The following ZMYM2 variants were observed in gnomAD, a reference collection of about 807,000 sequenced individuals.
ZMYM2 encodes the protein zinc finger MYM-type protein 2.
In ZMYM2, 56 loss-of-function variants were observed where a neutral mutation model predicts 162.8. The ratio of observed to expected loss-of-function variants is 0.34; its 90% CI spans 0.28 to 0.43. ZMYM2 has a LOEUF of 0.43. Among genes scored for constraint, ZMYM2 ranks in the 20% least tolerant of loss-of-function variants. ZMYM2 has a pLI of 1.00. For missense variants in ZMYM2, 1,275 were observed against 1,621.8 expected (o/e 0.79, Z 3.67); for synonymous variants, 510 against 541.6 (o/e 0.94, Z 0.81).
chr13:20,035,672 C>T (rs895083153), intron 11 of ZMYM2, among the ~76,000 whole-genome samples: 2 of 152,046 alleles, frequency 1.3e-5, no homozygotes, highest in Non-Finnish European at 2.9e-5. Flanking sequence ...AGATAATTTT[C>T]AGTTGGAGGG....
In ZMYM2 at chr13:20,083,049, CTATTTT is replaced by C. The variant is rs1461642347; in HGVS notation, c.3820+32_3820+37del. On this transcript the variant is annotated intron_variant, in intron 23 of 24. Coordinates refer to ENST00000610343, the MANE Select transcript of ZMYM2 (RefSeq NM_197968.4). ...ATAATGAAGGTAGTGTAACAGATTTCTATTTTTATTTTTATTTTTAAATTTTTTTTG... is the reference window on the plus strand; with the variant it reads ...ATAATGAAGGTAGTGTAACAGATTTCTATTTTTATTTTTAAATTTTTTTTG... 6.5e-6 allele frequency: 10 copies of C among 1,536,782 alleles called. No homozygotes were observed. Among genetic ancestry groups the C allele is most frequent in the Middle Eastern group, 1.7e-4 (1 of 5,766 alleles).
chr13:19,960,587 A>C (rs1205574007), intron 2 of ZMYM2, among the ~76,000 whole-genome samples: 1 of 152,180 alleles, frequency 6.6e-6, no homozygotes, highest in East Asian at 1.9e-4. Context: ...TTGTTCACCA[A>C]GTAGTATGCT....
intron 21 of ZMYM2, among the ~76,000 whole-genome samples, chr13:20,073,584 T>C (rs1034242145): frequency 6.6e-6 from 1 of 152,214 alleles, no homozygotes; most frequent in Non-Finnish European, 1.5e-5. Flanking sequence ...TAGTGTTTCT[T>C]CTTTTTCAGG....
At chr13:19,875,525 AGCTGAGGCAGGAGAATC>A in the ZMYM2 span, among the ~76,000 whole-genome samples, 3 of 148,908 alleles carry the variant, frequency 2.0e-5, no homozygotes, top group African/African-American at 7.4e-5. Context: ...CTATTCGGGA[AGCTGAGGCAGGAGAATC>A]GCTTGAACCC....
intron 7 of ZMYM2, chr13:20,024,980 G>A (rs1414804827): frequency 2.8e-5 from 6 of 214,334 alleles, no homozygotes; most frequent in East Asian, 1.4e-4. Context: ...AAACAGCTAT[G>A]TTTTCTTATA....
chr13:19,899,675 G>A, the ZMYM2 span, among the ~76,000 whole-genome samples: 1 of 151,798 alleles, frequency 6.6e-6, no homozygotes, highest in South Asian at 2.1e-4. Flanking sequence ...AAATTATCGG[G>A]GCATGGTGGC....
chr13:20,006,553 T>C lies in ZMYM2; in HGVS notation c.1479T>C (p.Phe493=), dbSNP rs1308317994. 2.6e-5 allele frequency: 42 copies of C among 1,613,754 alleles called. No homozygotes were observed. Among genetic ancestry groups the C allele is most frequent in the Non-Finnish European group, 3.6e-5 (42 of 1,179,848 alleles). ...TGATTGATGGTCAACAGAAAAGATT[T>C]TGCTGTCAAAGTTGTGTCAGTGAAT... is the stretch of plus-strand genomic sequence containing the variant. ...VLVIDGQQKR[F]CCQSCVSEYK... is the part of the protein sequence containing the mutation. Residue 493 remains phenylalanine, a synonymous_variant, in exon 6 of 25, where the codon TTT becomes TTC. Transcript: ENST00000610343.
chr13:19,996,992 C>T (rs1049935270), intron 3 of ZMYM2, among the ~76,000 whole-genome samples: 4 of 152,124 alleles, frequency 2.6e-5, no homozygotes, highest in Non-Finnish European at 4.4e-5. Flanking sequence ...TGTGCTGGTG[C>T]GTGTTAATAG....
the ZMYM2 span, among the ~76,000 whole-genome samples, chr13:19,893,075 A>G: frequency 6.6e-6 from 1 of 151,718 alleles, no homozygotes; most frequent in South Asian, 2.1e-4. Flanking sequence ...TTATAGTTGT[A>G]TAGTGTTTGT....
chr13:20,070,188 C>T (rs535902367), intron 21 of ZMYM2: 8 of 155,342 alleles, frequency 5.1e-5, no homozygotes, highest in East Asian at 1.9e-4. Context: ...CATCTCTTAC[C>T]GAGGGCTTCT....
At chr13:19,909,067 G>A in the ZMYM2 span, among the ~76,000 whole-genome samples, 1 of 152,164 alleles carries the variant, frequency 6.6e-6, no homozygotes, top group Non-Finnish European at 1.5e-5. Flanking sequence ...TGGTAATGAT[G>A]ATGGATTTTA....
At chr13:20,004,177 C>T (rs748825892) in intron 4 of ZMYM2, among the ~76,000 whole-genome samples, 2 of 152,146 alleles carry the variant, frequency 1.3e-5, no homozygotes, top group Non-Finnish European at 2.9e-5. Flanking sequence ...CAGTAGTAAA[C>T]TTAAATACTA....
intron 2 of ZMYM2, among the ~76,000 whole-genome samples, chr13:19,987,572 C>CGTGTGTGTGTGTGTGT (rs36128018): frequency 5.3e-5 from 7 of 133,244 alleles, no homozygotes; most frequent in Admixed American, 1.5e-4. Flanking sequence ...CGCCCCGCTA[C>CGTGTGTGTGTGTGTGT]GTGTGTGTGT....
At chr13:19,982,169 T>C (rs527564610) in intron 2 of ZMYM2, among the ~76,000 whole-genome samples, 2 of 152,064 alleles carry the variant, frequency 1.3e-5, no homozygotes, top group Non-Finnish European at 2.9e-5. Flanking sequence ...CTGTCCAAAG[T>C]CAATCTTTTA....
chr13:19,934,907 C>T, the ZMYM2 span, among the ~76,000 whole-genome samples: 6 of 151,908 alleles, frequency 3.9e-5, no homozygotes, highest in Admixed American at 1.3e-4. Flanking sequence ...GCTGGGATTA[C>T]AGGGGCTTAA....
the ZMYM2 span, among the ~76,000 whole-genome samples, chr13:19,947,305 C>T: frequency 6.6e-6 from 1 of 152,080 alleles, no homozygotes; most frequent in Non-Finnish European, 1.5e-5. Flanking sequence ...CATGATCTGT[C>T]AGCCTCAGCC....
At chr13:19,961,667 C>G (rs1955223298) in intron 2 of ZMYM2, among the ~76,000 whole-genome samples, 1 of 152,088 alleles carries the variant, frequency 6.6e-6, no homozygotes, top group African/African-American at 2.4e-5. Context: ...AATGCAAAAT[C>G]AGTACTTTTC....
At chr13:19,952,425 T>C in the ZMYM2 span, among the ~76,000 whole-genome samples, 1 of 152,332 alleles carries the variant, frequency 6.6e-6, no homozygotes, top group Admixed American at 6.5e-5. Flanking sequence ...ATAATAAGTA[T>C]GTGAGGTTGT....
chr13:19,884,954 C>T, the ZMYM2 span, among the ~76,000 whole-genome samples: 5 of 152,216 alleles, frequency 3.3e-5, no homozygotes, highest in South Asian at 1.0e-3. Flanking sequence ...GCCCATTTTA[C>T]AGAGTGCTGA....
Sources: gnomAD v4.1 joint callset for allele counts (sites outside exome capture counted in the v4.1 genomes callset) on GRCh38, gnomAD v4.1.1 for gene constraint, MANE v1.5 for transcripts, NCBI Gene and HGNC (gene_info 2026-07-23, HGNC 2026-07-21) for gene names.